THSD7A: variants seen among roughly 807,000 people sequenced by gnomAD.
The protein encoded by THSD7A is thrombospondin type-1 domain-containing protein 7A.
Under a neutral mutation model 231.3 loss-of-function variants are expected in THSD7A, and 96 were observed. That is an observed-to-expected ratio of 0.41 (90% CI 0.35 to 0.49). The LOEUF is 0.49. Among genes scored for constraint, THSD7A ranks in the 20% least tolerant of loss-of-function variants. THSD7A has a pLI of 0.05. For synonymous variants in THSD7A, 940 were observed against 743.3 expected (o/e 1.26, Z -4.30); for missense variants, 2,290 against 2,070.2 (o/e 1.11, Z -2.06).
At chr7:11,470,958 CT>C (rs1383803536) in intron 8 of THSD7A, among the ~76,000 whole-genome samples, 1 of 151,790 alleles carries the variant, frequency 6.6e-6, no homozygotes, top group Non-Finnish European at 1.5e-5. Context: ...TCAAAATATA[CT>C]TAGTATATAA....
Position 11,607,994 on chromosome 7 carries a change from C to T in THSD7A, c.1023-14492G>A, listed in dbSNP as rs1452180834. 2.0e-5 allele frequency among the ~76,000 whole-genome samples: 3 copies of T among 152,118 alleles called. No individual in the cohort carries two copies. The East Asian group carries it at 5.8e-4, about 29-fold the overall frequency. ...TAAACTGCTACGGTAATGAGGCCTCCCTGAAAGAGCCAGTACATAGATTTT... is the reference window on the plus strand; with the variant it reads ...TAAACTGCTACGGTAATGAGGCCTCTCTGAAAGAGCCAGTACATAGATTTT... On this transcript the variant is annotated intron_variant, in intron 2 of 27. Coordinates refer to ENST00000423059, the MANE Select transcript of THSD7A (RefSeq NM_015204.3).
chr7:11,646,519 G>T (rs773054836), intron 1 of THSD7A, among the ~76,000 whole-genome samples: 1 of 151,960 alleles, frequency 6.6e-6, no homozygotes, highest in Non-Finnish European at 1.5e-5. Context: ...TAAAATTGGT[G>T]TCAAAGAATA....
At chr7:11,661,294 A>G (rs1782919938) in intron 1 of THSD7A, among the ~76,000 whole-genome samples, 1 of 151,570 alleles carries the variant, frequency 6.6e-6, no homozygotes, top group South Asian at 2.1e-4. Flanking sequence ...GGAAGATTAT[A>G]TAAATTATAC....
At chr7:11,768,537 T>C (rs1195873511) in intron 1 of THSD7A, among the ~76,000 whole-genome samples, 1 of 152,296 alleles carries the variant, frequency 6.6e-6, no homozygotes, top group East Asian at 1.9e-4. Context: ...TAAGTACTAC[T>C]GGCGTATTTA....
At chr7:11,472,246 G>C (rs1165606380) in intron 8 of THSD7A, among the ~76,000 whole-genome samples, 1 of 152,030 alleles carries the variant, frequency 6.6e-6, no homozygotes, top group East Asian at 1.9e-4. Flanking sequence ...TCAAGAAATT[G>C]ATTTCCCCCC....
intron 1 of THSD7A, among the ~76,000 whole-genome samples, chr7:11,746,141 T>A (rs575015460): frequency 7.2e-5 from 11 of 152,108 alleles, no homozygotes; most frequent in Admixed American, 4.6e-4. Flanking sequence ...AATTGAAGAC[T>A]ATATTCTCTT....
chr7:11,495,803 A>G (rs1414317703), intron 6 of THSD7A, among the ~76,000 whole-genome samples: 1 of 152,176 alleles, frequency 6.6e-6, no homozygotes, highest in East Asian at 1.9e-4. Flanking sequence ...GAGGGTAAGA[A>G]TAATAAGCTA....
At chr7:11,825,058 A>T (rs1012687261) in intron 1 of THSD7A, among the ~76,000 whole-genome samples, 2 of 145,938 alleles carry the variant, frequency 1.4e-5, no homozygotes, top group African/African-American at 2.6e-5. Context: ...TTTTCTATAT[A>T]TTTTTTTTTG....
chr7:11,511,406 C>A (rs1253606115), intron 6 of THSD7A, among the ~76,000 whole-genome samples: 1 of 152,220 alleles, frequency 6.6e-6, no homozygotes, highest in Non-Finnish European at 1.5e-5. Flanking sequence ...CTACCAATGA[C>A]TTTCTTCACA....
chr7:11,382,441 T>C lies in THSD7A; in HGVS notation c.4507+80A>G, dbSNP rs189024636. On this transcript the variant is annotated intron_variant, in intron 24 of 27. Coordinates refer to ENST00000423059, the MANE Select transcript of THSD7A (RefSeq NM_015204.3). ...TTGAATACTGAAAGAGTAACTTTGTTTCCTTAATTATTTTCTTCAACCAAT... is the reference window on the plus strand; with the variant it reads ...TTGAATACTGAAAGAGTAACTTTGTCTCCTTAATTATTTTCTTCAACCAAT... 8.9e-4 allele frequency: 1,049 copies of C among 1,181,054 alleles called. 11 individuals are homozygous for C. In the African/African-American group the frequency reaches 0.015, roughly 17 times the overall value. The allele number at this position is 1,181,054 out of a possible 1,614,324, so 73.2% of individuals were successfully genotyped here.
chr7:11,706,702 T>G (rs1780781296), intron 1 of THSD7A, among the ~76,000 whole-genome samples: 1 of 145,356 alleles, frequency 6.9e-6, no homozygotes, highest in African/African-American at 2.5e-5. Context: ...TCTTAAATCA[T>G]GGTATATCCA....
chr7:11,566,015 G>T (rs10264054), intron 4 of THSD7A, among the ~76,000 whole-genome samples: 2 of 151,620 alleles, frequency 1.3e-5, no homozygotes, highest in African/African-American at 2.4e-5. Context: ...CCCACTCATC[G>T]CAAGACACAT....
In THSD7A at chr7:11,555,570, G is replaced by C. The variant is rs533939656; in HGVS notation, c.1454-12453C>G. Among the ~76,000 whole-genome samples the C allele has an allele frequency of 4.3e-4, 66 of 151,862 alleles. 1 individual carries two copies. The South Asian group carries it at 0.013, about 30-fold the overall frequency. ...GGAGTAATTATAATAATCCCTTTTAGATTTTATTGGTTGATGGTACTGAGT... is the reference window on the plus strand; with the variant it reads ...GGAGTAATTATAATAATCCCTTTTACATTTTATTGGTTGATGGTACTGAGT... On this transcript the variant is annotated intron_variant, in intron 4 of 27. Coordinates refer to ENST00000423059, the MANE Select transcript of THSD7A (RefSeq NM_015204.3).
intron 1 of THSD7A, among the ~76,000 whole-genome samples, chr7:11,656,308 A>G (rs150227712): frequency 0.018 from 2,687 of 152,012 alleles, 29 homozygotes; most frequent in Non-Finnish European, 0.03. Context: ...TCAAAATTGC[A>G]CTCACAACAA....
At chr7:11,585,461 G>C (rs1010418476) in intron 4 of THSD7A, among the ~76,000 whole-genome samples, 1 of 152,092 alleles carries the variant, frequency 6.6e-6, no homozygotes, top group African/African-American at 2.4e-5. Flanking sequence ...ACTAATGATC[G>C]TTAAAAGAGA....
intron 1 of THSD7A, among the ~76,000 whole-genome samples, chr7:11,782,396 T>C (rs1783660869): frequency 6.6e-6 from 1 of 152,058 alleles, no homozygotes; most frequent in South Asian, 2.1e-4. Flanking sequence ...AAGCTTTTAA[T>C]TAACACACAC....
chr7:11,694,886 C>T (rs1157243951), intron 1 of THSD7A, among the ~76,000 whole-genome samples: 2 of 151,410 alleles, frequency 1.3e-5, no homozygotes, highest in Non-Finnish European at 3.0e-5. Flanking sequence ...TCCACATAAA[C>T]GTAGCATATC....
chr7:11,783,706 T>C (rs913083635), intron 1 of THSD7A, among the ~76,000 whole-genome samples: 4 of 152,132 alleles, frequency 2.6e-5, no homozygotes, highest in African/African-American at 9.7e-5. Flanking sequence ...AGAGGGGATA[T>C]AGATGAAGCA....
At chr7:11,773,007 CA>C (rs1277843078) in intron 1 of THSD7A, among the ~76,000 whole-genome samples, 1 of 152,076 alleles carries the variant, frequency 6.6e-6, no homozygotes, top group African/African-American at 2.4e-5. Flanking sequence ...CACTGATAGT[CA>C]TACAGAAATC....
Sources: allele counts gnomAD v4.1 joint callset (sites outside exome capture counted in the v4.1 genomes callset), GRCh38; gene constraint gnomAD v4.1.1; transcripts MANE v1.5; gene names NCBI Gene and HGNC (gene_info 2026-07-23, HGNC 2026-07-21).